The following CASKIN2 variants were observed in gnomAD, a reference collection of about 807,000 sequenced individuals.
CASKIN2 encodes the protein CASK interacting protein 2.
A neutral mutation model predicts 107.1 loss-of-function variants in CASKIN2; 41 were observed. The ratio of observed to expected loss-of-function variants is 0.38; its 90% CI spans 0.30 to 0.50. The LOEUF is 0.50. CASKIN2 is among the 20% of genes least tolerant of loss of function. The pLI is 0.92. For synonymous variants in CASKIN2, 724 were observed against 705.6 expected, an observed-to-expected ratio of 1.03 and a Z score of -0.41; for missense variants, 1,546 against 1,657.4, an observed-to-expected ratio of 0.93 and a Z score of 1.17.
rs1013182166 is a variant in CASKIN2, at chr17:75,506,207, C to T, written c.726+98G>A. The T allele has an allele frequency of 1.8e-6, 2 of 1,101,208 alleles. No individual in the cohort carries two copies. The highest frequency in any genetic ancestry group is 1.6e-5 in the African/African-American group (1 of 64,422). 68.2% of individuals were successfully genotyped at this position (1,101,208 alleles called of 1,614,324 possible). A position where few individuals can be genotyped will look rare whatever the true frequency, so the allele number is the denominator to read the frequency against. On this transcript the variant is annotated intron_variant, in intron 8 of 19. Coordinates refer to ENST00000321617, the MANE Select transcript of CASKIN2 (RefSeq NM_020753.5). This position sits in a 1 kb window ranked among gnomAD's most constrained non-coding sequence, Gnocchi z 4.8. ...CTCTTTCCTGACGCCCATGCAAAAA[C>T]CACGCTGGAGTCCTCCGTCCCGTAC...
chr17:75,505,095 G>T lies in CASKIN2; in HGVS notation c.931-22C>A. On this transcript the variant is annotated intron_variant, in intron 10 of 19. Transcript: ENST00000321617. This position sits in a 1 kb window ranked among gnomAD's most constrained non-coding sequence, Gnocchi z 5.1. ...GCACCTGCGGCCAGGGGTGGGGGGC[G>T]GGGACGGTCACTCCCAGCACCAGGC... 2 of 1,545,606 alleles carry T rather than the reference G, an allele frequency of 1.3e-6. No individual in the cohort carries two copies.
chr17:75,503,301 T>C (rs2053224753), intron 17 of CASKIN2, 47 bp from the exon 18 acceptor site: 2 of 1,573,806 alleles, frequency 1.3e-6, no homozygotes, highest in African/African-American at 2.7e-5. Flanking sequence ...GCTGGGGTTG[T>C]CCTGGTCACC....
rs1407536783 is a variant in CASKIN2, at chr17:75,501,932, C to T, written c.3142G>A (p.Gly1048Arg). 2 of 1,594,898 alleles carry T rather than the reference C, an allele frequency of 1.3e-6. No homozygotes were observed. The highest frequency in any genetic ancestry group is 1.7e-5 in the Admixed American group (1 of 58,754). The change falls in exon 18 of 20, where the codon GGA becomes AGA. Residue 1048 changes from glycine (G) to arginine (R), a missense_variant. By Grantham distance (125) the Gly-to-Arg change is moderately radical. Around this residue, in one of 6 missense-constraint regions of CASKIN2, gnomAD observed 1,311 missense variants for 1,311.0 expected, o/e 1.00. Transcript: ENST00000321617. ...CTGGGAGCAAGGGGGGTTGGAACTC[C>T]TTGGGCTGGAAGGCTGCTGGGCTCG... ...QPEPSSLPAQ[G>R]VPTPLAPSPA...
At chr17:75,507,229 G>A (rs1004938327) in intron 4 of CASKIN2, 100 bp from the exon 5 acceptor site, 33 of 1,324,726 alleles carry the variant, frequency 2.5e-5, no homozygotes, top group East Asian at 5.0e-5. Context: ...GGAGGGCAGA[G>A]AGCCCACGGG....
chr17:75,501,746 A>G (rs964456862), intron 18 of CASKIN2, 33 bp downstream of exon 18: 6 of 1,529,690 alleles, frequency 3.9e-6, no homozygotes, highest in Middle Eastern at 1.8e-4. Flanking sequence ...CAACCCTGCC[A>G]GCAGTGACTC....
chr17:75,508,462 T>C (rs1028159272), intron 2 of CASKIN2, among the ~76,000 whole-genome samples, 177 bp from the exon 3 acceptor site: 8 of 151,704 alleles, frequency 5.3e-5, no homozygotes, highest in Non-Finnish European at 1.0e-4. Context: ...CCCAGCAGCA[T>C]GAGGGCAGTG....
At chr17:75,512,102 C>T (rs531323676) in intron 2 of CASKIN2, among the ~76,000 whole-genome samples, 1 of 152,358 alleles carries the variant, frequency 6.6e-6, no homozygotes, top group East Asian at 1.9e-4. Context: ...TCTCCTGCCC[C>T]AGTGTGCTAG....
In CASKIN2 at chr17:75,506,385, T is replaced by C; in HGVS notation, c.646A>G (p.Asn216Asp). 2 of 1,610,934 alleles carry C rather than the reference T, an allele frequency of 1.2e-6. No homozygotes were observed. The highest frequency in any genetic ancestry group is 1.7e-6 in the Non-Finnish European group (2 of 1,179,894). ...GCCGTACCCGTCTTGGTCTGGCGGT[T>C]GATCTCGATCCCAGCTCTCAGGAGC... ...RQLLRAGIEI[N>D]RQTKTGTALH... Residue 216 changes from asparagine (N) to aspartate (D), a missense_variant, in exon 8 of 20, where the codon AAC becomes GAC. By Grantham distance (23) the Asn-to-Asp change is conservative. Coordinates refer to ENST00000321617, the MANE Select transcript of CASKIN2 (RefSeq NM_020753.5). The surrounding 1 kb of genome is among the most constrained non-coding windows in gnomAD (Gnocchi z 4.8).
chr17:75,506,522 C>T lies in CASKIN2; in HGVS notation c.617+61G>A. 1 of 1,604,468 alleles carries T rather than the reference C, an allele frequency of 6.2e-7. No individual in the cohort carries two copies. The highest frequency in any genetic ancestry group is 8.5e-7 in the Non-Finnish European group (1 of 1,175,448). ...GTGAAAAGGGCAGTGGGGGAGAGCA[C>T]TGAGGGGCACCGATGGTCCCGCAGG... On this transcript the variant is annotated intron_variant, in intron 7 of 19. Coordinates refer to ENST00000321617, the MANE Select transcript of CASKIN2 (RefSeq NM_020753.5). This position sits in a 1 kb window ranked among gnomAD's most constrained non-coding sequence, Gnocchi z 4.8.
intron 2 of CASKIN2, among the ~76,000 whole-genome samples, chr17:75,513,427 A>G (rs1232439018): frequency 1.3e-5 from 2 of 152,222 alleles, no homozygotes; most frequent in Non-Finnish European, 2.9e-5. Flanking sequence ...CCTGGGTGAC[A>G]AGCTATAGGC....
chr17:75,504,076 C>T, intron 14 of CASKIN2, 114 bp from the exon 15 acceptor site: 1 of 1,159,644 alleles, frequency 8.6e-7, no homozygotes, highest in Non-Finnish European at 1.2e-6. Flanking sequence ...AGGCTCTTGC[C>T]TCTACCCTGC....
In CASKIN2 at chr17:75,503,712, C is replaced by T. The variant is rs149947368; in HGVS notation, c.1627G>A (p.Ala543Thr). 56 of 1,612,518 alleles carry T rather than the reference C, an allele frequency of 3.5e-5. No individual in the cohort carries two copies. In the African/African-American group the frequency reaches 4.5e-4, roughly 13 times the overall value. The stretch of plus-strand genomic sequence containing the variant: ...ATGCTGAGCTGAGCGATCTCTGAGG[C>T]GATCTTCTTCCTGTGCCCAGGCTTG... ...VTKPGHRKKI[A>T]SEIAQLSIAE... is the part of the protein sequence containing the mutation. Residue 543 changes from alanine to threonine, a missense_variant, in exon 16 of 20, where the codon GCC becomes ACC. Coordinates refer to ENST00000321617, the MANE Select transcript of CASKIN2 (RefSeq NM_020753.5).
Position 75,503,855 on chromosome 17 carries a change from A to C in CASKIN2, c.1575T>G (p.Pro525=). ...YDVPTISRMT[P]EDLTAIGVTK... ...GCTTCCCGGCTGCAGCACCCACCTC[A>C]GGTGTCATGCGGCTGATGGTAGGCA... Residue 525 remains proline (P), a synonymous_variant, in exon 15 of 20, where the codon CCT becomes CCG. Coordinates refer to ENST00000321617, the MANE Select transcript of CASKIN2 (RefSeq NM_020753.5). The C allele has an allele frequency of 6.2e-7, 1 of 1,612,252 alleles. No individual in the cohort carries two copies. Among genetic ancestry groups the C allele is most frequent in the Non-Finnish European group, 8.5e-7 (1 of 1,179,750 alleles).
intron 2 of CASKIN2, among the ~76,000 whole-genome samples, chr17:75,513,231 G>A (rs1317691900): frequency 6.6e-6 from 1 of 152,010 alleles, no homozygotes; most frequent in Admixed American, 6.6e-5. Flanking sequence ...CTTGAGGTCT[G>A]GAGTTCGAGA....
chr17:75,510,064 C>T (rs758188918), intron 2 of CASKIN2, among the ~76,000 whole-genome samples: 10 of 152,232 alleles, frequency 6.6e-5, no homozygotes, highest in African/African-American at 1.9e-4. Context: ...CCCTGCGGTA[C>T]AACCTTCTTC....
chr17:75,507,688 T>TG lies in CASKIN2; in HGVS notation c.147-8dup, dbSNP rs541176857. The TG allele has an allele frequency of 6.2e-3, 9,981 of 1,607,916 alleles. 67 individuals are homozygous for TG. Among genetic ancestry groups the TG allele is most frequent in the South Asian group, 0.019 (1,760 of 90,626 alleles). ...GTGGTGGAGGGCAGAGAATCTGATG[T>TG]GGGAGGACACAAAGTTAGGGGTGTT... On this transcript the variant is annotated splice_polypyrimidine_tract_variant and splice_region_variant and intron_variant, in intron 3 of 19. Transcript: ENST00000321617.
chr17:75,512,948 T>C (rs2053326891), intron 2 of CASKIN2, among the ~76,000 whole-genome samples: 1 of 151,464 alleles, frequency 6.6e-6, no homozygotes, highest in African/African-American at 2.4e-5. Flanking sequence ...GACACGAACA[T>C]AGAGGTGCTC....
intron 2 of CASKIN2, among the ~76,000 whole-genome samples, chr17:75,508,699 A>G (rs972092094): frequency 6.6e-6 from 1 of 152,200 alleles, no homozygotes; most frequent in African/African-American, 2.4e-5. Flanking sequence ...TAGGTATTCA[A>G]GGGCAGGCCA....
intron 2 of CASKIN2, among the ~76,000 whole-genome samples, chr17:75,508,753 C>T (rs1026646584): frequency 2.0e-5 from 3 of 152,218 alleles, no homozygotes; most frequent in East Asian, 1.9e-4. Flanking sequence ...TGACATTAGA[C>T]AGACCTCTAC....
Sources: gnomAD v4.1 joint callset for allele counts (sites outside exome capture counted in the v4.1 genomes callset) on GRCh38, gnomAD v4.1.1 for gene constraint, gnomAD v4.1.1 regional missense constraint, Gnocchi (gnomAD v3.1) non-coding constraint, MANE v1.5 for transcripts, NCBI Gene and HGNC (gene_info 2026-07-23, HGNC 2026-07-21) for gene names.